The following ASIC2 variants were observed in gnomAD, a reference collection of about 807,000 sequenced individuals.
The protein encoded by ASIC2 is acid-sensing ion channel 2.
In ASIC2, 25 loss-of-function variants were observed where a neutral mutation model predicts 57.3. The ratio of observed to expected loss-of-function variants is 0.44; its 90% CI spans 0.32 to 0.61. The LOEUF (loss-of-function observed/expected upper bound fraction) is 0.61, where lower values mean the gene tolerates loss of function less well. Ranked by LOEUF, ASIC2 falls within the 20% of genes least tolerant of loss-of-function variation. The pLI, the probability that ASIC2 is intolerant of heterozygous loss-of-function variation, is 0.06. For synonymous variants in ASIC2, 319 were observed against 307.5 expected (o/e 1.04, Z -0.39); for missense variants, 641 against 738.1 (o/e 0.87, Z 1.52).
At chr17:33,962,427 G>A (rs1597951474) in intron 1 of ASIC2, among the ~76,000 whole-genome samples, 2 of 152,140 alleles carry the variant, frequency 1.3e-5, no homozygotes, top group East Asian at 1.9e-4. Flanking sequence ...TGGATGGGGA[G>A]GCAGATGTTC....
At chr17:33,564,221 C>T (rs1053609086) in intron 1 of ASIC2, among the ~76,000 whole-genome samples, 3 of 152,188 alleles carry the variant, frequency 2.0e-5, no homozygotes, top group African/African-American at 7.2e-5. Context: ...GTTTTAAAGC[C>T]TGCATCCCTA....
chr17:33,899,119 C>T (rs1276654179), intron 1 of ASIC2, among the ~76,000 whole-genome samples: 1 of 132,396 alleles, frequency 7.6e-6, no homozygotes, highest in Non-Finnish European at 1.6e-5. Flanking sequence ...CAGAGCGAGA[C>T]TCCATCTCAG....
chr17:33,489,967 C>A lies in ASIC2; in HGVS notation c.556-377900G>T, dbSNP rs910621957. 2.0e-5 allele frequency among the ~76,000 whole-genome samples: 3 copies of A among 152,200 alleles called. No homozygotes were observed. In the South Asian group the frequency reaches 6.2e-4, roughly 32 times the overall value. ...CACGATCTTAACTGAACTACCTATT[C>A]CTGATTTAAACATTTCTTTCTGGAC... is the stretch of plus-strand genomic sequence containing the variant. On this transcript the variant is annotated intron_variant, in intron 1 of 9. Transcript: ENST00000359872.
Position 33,947,947 on chromosome 17 carries a change from C to G in ASIC2, c.555+208031G>C, listed in dbSNP as rs560947805. ...ATTCTAGGTATTTTAGATGATTTAT[C>G]TCTCCTTGATCTTAAGTGCTAACTA... On this transcript the variant is annotated intron_variant, in intron 1 of 9. Coordinates refer to the ASIC2 transcript ENST00000359872. 3.6e-3 allele frequency among the ~76,000 whole-genome samples: 543 copies of G among 152,284 alleles called. 3 individuals carry two copies. The highest frequency in any genetic ancestry group is 5.8e-3 in the Non-Finnish European group (397 of 68,022).
At chr17:33,689,216 T>C (rs983853674) in intron 1 of ASIC2, 2 of 152,242 alleles carry the variant, frequency 1.3e-5, no homozygotes, top group Non-Finnish European at 2.9e-5. Flanking sequence ...TAATGGACTG[T>C]AGCCATTGCA....
intron 1 of ASIC2, among the ~76,000 whole-genome samples, chr17:33,798,146 G>A (rs1248534881): frequency 6.6e-6 from 1 of 152,148 alleles, no homozygotes; most frequent in Admixed American, 6.5e-5. Context: ...GGACTAGCGA[G>A]ATGAGGAGGT....
chr17:33,207,131 TGAG>T (rs1188699520), intron 1 of ASIC2, among the ~76,000 whole-genome samples: 5 of 152,224 alleles, frequency 3.3e-5, no homozygotes, highest in South Asian at 2.1e-4. Context: ...CTACTCAGTC[TGAG>T]GAGAAGGGCT....
At chr17:33,521,210 C>T (rs1914730092) in intron 1 of ASIC2, among the ~76,000 whole-genome samples, 1 of 152,110 alleles carries the variant, frequency 6.6e-6, no homozygotes, top group African/African-American at 2.4e-5. Flanking sequence ...AAATAAAGGC[C>T]TCTGGAGCTG....
chr17:33,290,966 T>G, intron 1 of ASIC2: 1 of 158,880 alleles, frequency 6.3e-6, no homozygotes, highest in Non-Finnish European at 1.4e-5. Context: ...GCTTCCTTTT[T>G]TTTTTTTTTT....
At chr17:33,163,166 A>G (rs1403347816) in intron 1 of ASIC2, among the ~76,000 whole-genome samples, 1 of 152,218 alleles carries the variant, frequency 6.6e-6, no homozygotes, top group Admixed American at 6.5e-5. Context: ...TCTGCAGATC[A>G]TGGAGAGGGA....
chr17:33,082,995 T>C (rs1416689867), intron 3 of ASIC2, among the ~76,000 whole-genome samples: 1 of 152,222 alleles, frequency 6.6e-6, no homozygotes, highest in East Asian at 1.9e-4. Context: ...TTGATTAGCT[T>C]GTCTAAGCCA....
At chr17:33,919,094 C>T (rs886268254) in intron 1 of ASIC2, among the ~76,000 whole-genome samples, 1 of 152,142 alleles carries the variant, frequency 6.6e-6, no homozygotes, top group African/African-American at 2.4e-5. Context: ...ATCTAGCTCC[C>T]TGGGCAATGC....
chr17:33,502,352 A>G (rs182265199), intron 1 of ASIC2, among the ~76,000 whole-genome samples: 1 of 152,298 alleles, frequency 6.6e-6, no homozygotes, highest in Non-Finnish European at 1.5e-5. Flanking sequence ...GGGGACAGAG[A>G]CATCCCAAGT....
chr17:33,016,100 C>A (rs2091804354), intron 8 of ASIC2, 61 bp from the exon 9 acceptor site: 2 of 1,555,224 alleles, frequency 1.3e-6, no homozygotes, highest in African/African-American at 2.7e-5. Context: ...GCAGAAGGGA[C>A]CTCCCTCCAT....
At chr17:33,896,455 C>T (rs547873246) in intron 1 of ASIC2, among the ~76,000 whole-genome samples, 4 of 152,304 alleles carry the variant, frequency 2.6e-5, no homozygotes, top group African/African-American at 4.8e-5. Flanking sequence ...CTAGCGACTC[C>T]GCAACAGCCA....
intron 1 of ASIC2, among the ~76,000 whole-genome samples, chr17:34,153,862 C>G (rs1904617727): frequency 6.6e-6 from 1 of 152,170 alleles, no homozygotes; most frequent in East Asian, 1.9e-4. Flanking sequence ...GGCAATTTCA[C>G]TATTTGGGAA....
chr17:33,280,617 T>TC (rs1380011245), intron 1 of ASIC2, among the ~76,000 whole-genome samples: 2 of 152,350 alleles, frequency 1.3e-5, no homozygotes, highest in African/African-American at 4.8e-5. Flanking sequence ...GGCTATGCAA[T>TC]CTGACAGGTC....
chr17:34,040,672 G>C (rs1468605498), intron 1 of ASIC2, among the ~76,000 whole-genome samples: 1 of 152,140 alleles, frequency 6.6e-6, no homozygotes, highest in African/African-American at 2.4e-5. Flanking sequence ...GGTGCTGCAG[G>C]TGACAGCCAT....
chr17:33,763,717 C>G (rs1233855256), intron 1 of ASIC2, among the ~76,000 whole-genome samples: 1 of 152,218 alleles, frequency 6.6e-6, no homozygotes, highest in Non-Finnish European at 1.5e-5. Context: ...CTCCTTCCTT[C>G]TGGGTCCCAG....
Sources: allele counts gnomAD v4.1 joint callset (sites outside exome capture counted in the v4.1 genomes callset), GRCh38; gene constraint gnomAD v4.1.1; transcripts MANE v1.5; gene names NCBI Gene and HGNC (gene_info 2026-07-23, HGNC 2026-07-21).